FLNB: variants seen among roughly 807,000 people sequenced by gnomAD.
The protein encoded by FLNB is filamin B, also known as filamin-B.
A neutral mutation model predicts 250.6 loss-of-function variants in FLNB; 111 were observed. The ratio of observed to expected loss-of-function variants is 0.44; its 90% CI spans 0.38 to 0.52. The LOEUF is 0.52. Ranked by LOEUF, FLNB falls within the 20% of genes least tolerant of loss-of-function variation. The pLI is 0.00. For synonymous variants in FLNB, 1,302 were observed against 1,372.1 expected (o/e 0.95, Z 1.13); for missense variants, 2,869 against 3,447.8 (o/e 0.83, Z 4.20).
At position 58,106,822 on chromosome 3, in the gene FLNB, C is replaced by A. The variant is rs1559697337; in HGVS notation, c.1890C>A (p.Ser630Arg). The A allele has an allele frequency of 6.2e-7, 1 of 1,614,068 alleles. No individual in the cohort carries two copies. Among genetic ancestry groups the A allele is most frequent in the Admixed American group, 1.7e-5 (1 of 60,022 alleles). Residue 630 changes from serine to arginine, a missense_variant, in exon 12 of 46, where the codon AGC becomes AGA. By Grantham distance (110) the Ser-to-Arg change is moderately radical. This residue lies in a region of FLNB where 1,348 missense variants were observed against 1,466.7 expected (regional missense o/e 0.92). Coordinates refer to ENST00000295956, the MANE Select transcript of FLNB (RefSeq NM_001457.4). ...IMCDDEDIKD[S>R]PYMAFIHPAT... ...GTGACGACGAAGACATCAAGGACAG[C>A]CCGTACATGGCCTTCATCCACCCAG... is the stretch of plus-strand genomic sequence containing the variant.
chr3:58,099,285 G>A (rs1469822331), intron 8 of FLNB, among the ~76,000 whole-genome samples: 1 of 152,136 alleles, frequency 6.6e-6, no homozygotes, highest in Non-Finnish European at 1.5e-5. Flanking sequence ...TACTGGCCCA[G>A]GCACTTACCA....
chr3:58,156,336 GGTT>G (rs1382029793), intron 41 of FLNB, among the ~76,000 whole-genome samples: 1 of 152,166 alleles, frequency 6.6e-6, no homozygotes, highest in African/African-American at 2.4e-5. Flanking sequence ...TGTTTTTAAA[GGTT>G]TATTTAAGAG....
chr3:58,127,341 G>T (rs913033837), intron 24 of FLNB, among the ~76,000 whole-genome samples: 4 of 150,288 alleles, frequency 2.7e-5, no homozygotes, highest in South Asian at 2.1e-4. Context: ...AAAAAAAAAA[G>T]AAAAAGAAAG....
intron 45 of FLNB, 140 bp from the exon 46 acceptor site, chr3:58,170,435 C>A: frequency 1.3e-6 from 1 of 754,594 alleles, no homozygotes; most frequent in Non-Finnish European, 2.3e-6. Flanking sequence ...TGAGCCTCTG[C>A]TTGTAATTGC....
intron 25 of FLNB, 158 bp from the exon 26 acceptor site, chr3:58,132,650 T>C: frequency 1.1e-6 from 1 of 889,254 alleles, no homozygotes; most frequent in Non-Finnish European, 1.8e-6. Context: ...ATCCTGTGAT[T>C]TTTTTCAGGC....
intron 1 of FLNB, among the ~76,000 whole-genome samples, chr3:58,057,932 AG>A (rs1196518707): frequency 2.6e-5 from 4 of 152,136 alleles, no homozygotes. Flanking sequence ...CTGGGATTAC[AG>A]GCATGCGCCA....
rs1362936883 is a variant in FLNB at position 58,109,644 on chromosome 3, T to A, written c.2268T>A (p.Gly756=). ...TTGGGCCAGGTGTGGAGAGAAGTGGTCTGAAGGCAAATGAACCTACACACT... is the reference window on the plus strand; with the variant it reads ...TTGGGCCAGGTGTGGAGAGAAGTGGACTGAAGGCAAATGAACCTACACACT... ...KVFGPGVERS[G]LKANEPTHFT... Residue 756 remains glycine (G), a synonymous_variant, in exon 15 of 46, where the codon GGT becomes GGA. Coordinates refer to ENST00000295956, the MANE Select transcript of FLNB (RefSeq NM_001457.4). 6.2e-7 allele frequency: 1 copy of A among 1,614,086 alleles called. No individual in the cohort carries two copies. The highest frequency in any genetic ancestry group is 8.5e-7 in the Non-Finnish European group (1 of 1,180,002).
intron 18 of FLNB, among the ~76,000 whole-genome samples, chr3:58,115,462 C>G (rs371647405): frequency 2.0e-5 from 3 of 152,326 alleles, no homozygotes; most frequent in East Asian, 3.9e-4. Flanking sequence ...AGGGTTTGAC[C>G]TGCATCCTTG....
intron 32 of FLNB, among the ~76,000 whole-genome samples, chr3:58,144,549 G>C (rs9869210): frequency 0.31 from 47,766 of 152,112 alleles, 8,035 homozygotes; most frequent in Non-Finnish European, 0.38. Flanking sequence ...TGTCCCCAGT[G>C]TTGCTGCGCA....
chr3:58,115,893 G>A (rs2097277033), intron 18 of FLNB, among the ~76,000 whole-genome samples: 1 of 152,182 alleles, frequency 6.6e-6, no homozygotes, highest in Admixed American at 6.5e-5. Context: ...GTTGCTTGGA[G>A]CTGGGTTTAT....
intron 1 of FLNB, among the ~76,000 whole-genome samples, chr3:58,020,268 G>T (rs1440636815): frequency 6.6e-6 from 1 of 152,190 alleles, no homozygotes; most frequent in African/African-American, 2.4e-5. Flanking sequence ...CCCAGCAACT[G>T]CACCCTTCTT....
chr3:58,111,953 C>A, intron 17 of FLNB, 72 bp downstream of exon 17: 1 of 1,324,104 alleles, frequency 7.6e-7, no homozygotes, highest in East Asian at 2.3e-5. Flanking sequence ...TCATCCACGG[C>A]CTTGAGGAAC....
At chr3:58,049,386 G>C (rs1429178840) in intron 1 of FLNB, among the ~76,000 whole-genome samples, 1 of 152,100 alleles carries the variant, frequency 6.6e-6, no homozygotes, top group African/African-American at 2.4e-5. Context: ...GGTTAGATGA[G>C]TAATTAGCTG....
chr3:58,034,638 A>T (rs1576613420), intron 1 of FLNB, among the ~76,000 whole-genome samples: 1 of 152,156 alleles, frequency 6.6e-6, no homozygotes, highest in Admixed American at 6.5e-5. Context: ...ATCCATTAGG[A>T]TGTATATGGT....
rs1249133663 is a variant in FLNB at position 58,008,673 on chromosome 3, A to G, written c.109A>G (p.Ile37Val). ...GCACCTCAAGTGCGTGAACAAACGCATCGGCAACCTGCAGACCGACCTGAG... is the reference window on the plus strand; with the variant it reads ...GCACCTCAAGTGCGTGAACAAACGCGTCGGCAACCTGCAGACCGACCTGAG... ...NEHLKCVNKR[I>V]GNLQTDLSDG... The change falls in exon 1 of 46, where the codon ATC (isoleucine) becomes GTC (valine). Residue 37 changes from isoleucine to valine, a missense_variant. By Grantham distance (29) the Ile-to-Val change is conservative. Around this residue, in one of 5 missense-constraint regions of FLNB, gnomAD observed 308 missense variants for 466.1 expected, o/e 0.66. Coordinates refer to ENST00000295956, the MANE Select transcript of FLNB (RefSeq NM_001457.4). 6.2e-7 allele frequency: 1 copy of G among 1,614,154 alleles called. No homozygotes were observed. The highest frequency in any genetic ancestry group is 8.5e-7 in the Non-Finnish European group (1 of 1,180,034).
At chr3:58,012,481 G>A (rs1418019277) in intron 1 of FLNB, among the ~76,000 whole-genome samples, 1 of 152,160 alleles carries the variant, frequency 6.6e-6, no homozygotes, top group Non-Finnish European at 1.5e-5. Flanking sequence ...TTTCAGAGAT[G>A]AGTAAAATAC....
At chr3:58,012,609 C>T (rs893754203) in intron 1 of FLNB, among the ~76,000 whole-genome samples, 11 of 152,162 alleles carry the variant, frequency 7.2e-5, no homozygotes, top group Admixed American at 6.6e-5. Context: ...ATAGGGATGT[C>T]AGGGCCTTCC....
chr3:58,113,572 A>G (rs534736680), intron 18 of FLNB, among the ~76,000 whole-genome samples: 1 of 152,334 alleles, frequency 6.6e-6, no homozygotes, highest in East Asian at 1.9e-4. Context: ...ACATCCCTGC[A>G]GTGGGAGGGA....
At chr3:58,112,034 A>C in intron 17 of FLNB, 115 bp from the exon 18 acceptor site, 1 of 1,206,756 alleles carries the variant, frequency 8.3e-7, no homozygotes. Context: ...GTGGCTGGCC[A>C]GGCCCGTTGC....
Sources: gnomAD v4.1 joint callset for allele counts (sites outside exome capture counted in the v4.1 genomes callset) on GRCh38, gnomAD v4.1.1 for gene constraint, gnomAD v4.1.1 regional missense constraint, MANE v1.5 for transcripts, NCBI Gene and HGNC (gene_info 2026-07-23, HGNC 2026-07-21) for gene names.